The following SAMD5 variants were observed in gnomAD, a reference collection of about 807,000 sequenced individuals.
SAMD5 encodes sterile alpha motif domain-containing protein 5.
A neutral mutation model predicts 11.3 loss-of-function variants in SAMD5; 13 were observed. That is an observed-to-expected ratio of 1.15 (90% CI 0.75 to 1.83). SAMD5 has a LOEUF of 1.83. Among genes scored for constraint, SAMD5 ranks in the 40% most tolerant of loss-of-function variants. The pLI, the probability that SAMD5 is intolerant of heterozygous loss-of-function variation, is 0.00. For synonymous variants in SAMD5, 129 were observed against 111.3 expected, an observed-to-expected ratio of 1.16 and a Z score of -1.00; for missense variants, 255 against 239.1, an observed-to-expected ratio of 1.07 and a Z score of -0.44.
At chr6:147,820,286 C>T in the SAMD5 span, among the ~76,000 whole-genome samples, 13 of 152,032 alleles carry the variant, frequency 8.6e-5, no homozygotes, top group African/African-American at 3.1e-4. Flanking sequence ...AAACCAGCAC[C>T]CTGATATCCA....
Position 147,564,771 on chromosome 6 carries a change from G to A in SAMD5, c.*315G>A. 9.7e-7 allele frequency: 1 copy of A among 1,029,180 alleles called. No homozygotes were observed. The highest frequency in any genetic ancestry group is 4.2e-5 in the South Asian group (1 of 24,024). 63.8% of individuals were successfully genotyped at this position (1,029,180 alleles called of 1,614,324 possible). ...CCTTCCATTCTTAATGAAAACAGAT[G>A]AGGTTGGCTAAGGCATTTGAGTCAT... On this transcript the variant is annotated 3_prime_UTR_variant, in exon 2 of 2. Coordinates refer to ENST00000367474, the MANE Select transcript of SAMD5 (RefSeq NM_001030060.3).
the SAMD5 span, among the ~76,000 whole-genome samples, chr6:147,923,543 T>C: frequency 1.3e-5 from 2 of 152,308 alleles, 1 homozygote; most frequent in South Asian, 4.1e-4. Flanking sequence ...GCTTTCGGTT[T>C]AGATTTTGGT....
intron 1 of SAMD5, among the ~76,000 whole-genome samples, chr6:147,684,062 G>A (rs1202526451): frequency 6.6e-6 from 1 of 151,980 alleles, no homozygotes; most frequent in East Asian, 1.9e-4. Context: ...CCACCATCCA[G>A]ATCAAAAAAT....
downstream of SAMD5, among the ~76,000 whole-genome samples, chr6:147,738,219 G>A (rs531871337): frequency 7.9e-5 from 12 of 152,286 alleles, 1 homozygote; most frequent in East Asian, 7.7e-4. Context: ...GCAGGAAGGC[G>A]CAGGTCTGCA....
intron 1 of SAMD5, among the ~76,000 whole-genome samples, chr6:147,672,932 A>G (rs927191636): frequency 2.0e-5 from 3 of 152,190 alleles, no homozygotes; most frequent in Non-Finnish European, 4.4e-5. Flanking sequence ...TTACTGTTAG[A>G]CCAAACAGTA....
chr6:147,522,303 C>T (rs1788266615), intron 1 of SAMD5, among the ~76,000 whole-genome samples: 1 of 152,084 alleles, frequency 6.6e-6, no homozygotes, highest in Non-Finnish European at 1.5e-5. Context: ...TTGCTATTAT[C>T]CTGCTGCTGG....
intron 1 of SAMD5, among the ~76,000 whole-genome samples, chr6:147,644,886 TA>T (rs1473030778): frequency 6.6e-6 from 1 of 152,086 alleles, no homozygotes; most frequent in East Asian, 1.9e-4. Context: ...AACAATAAAT[TA>T]GGATCAGTGT....
At chr6:147,883,825 T>C in the SAMD5 span, among the ~76,000 whole-genome samples, 1 of 152,176 alleles carries the variant, frequency 6.6e-6, no homozygotes, top group South Asian at 2.1e-4. Context: ...GCCACTGAAA[T>C]GTGGAAATGA....
chr6:147,666,502 GA>G (rs1270608293), intron 1 of SAMD5, among the ~76,000 whole-genome samples: 1 of 152,108 alleles, frequency 6.6e-6, no homozygotes, highest in Admixed American at 6.5e-5. Context: ...CTCCCTGTCA[GA>G]GAGCTTGCTT....
intron 1 of SAMD5, among the ~76,000 whole-genome samples, chr6:147,547,101 AT>A (rs1788699171): frequency 6.6e-6 from 1 of 152,158 alleles, no homozygotes; most frequent in East Asian, 1.9e-4. Flanking sequence ...GTGAGAATTA[AT>A]GGTGCACATT....
chr6:147,868,599 C>T, the SAMD5 span, among the ~76,000 whole-genome samples: 35 of 152,272 alleles, frequency 2.3e-4, no homozygotes, highest in African/African-American at 7.9e-4. Context: ...AAAGAAAAAG[C>T]CACTCTGTGG....
chr6:147,720,717 C>T (rs1791538671), intron 1 of SAMD5, among the ~76,000 whole-genome samples: 1 of 151,186 alleles, frequency 6.6e-6, no homozygotes, highest in Non-Finnish European at 1.5e-5. Context: ...TATTATTATA[C>T]TTTCAGTTTT....
the SAMD5 span, among the ~76,000 whole-genome samples, chr6:147,951,200 T>C: frequency 7.9e-5 from 12 of 151,640 alleles, no homozygotes; most frequent in East Asian, 2.3e-3. Flanking sequence ...TTTTTTTTTT[T>C]ATGACGGAGT....
At chr6:147,641,510 C>G (rs73587499) in intron 1 of SAMD5, among the ~76,000 whole-genome samples, 5,938 of 152,104 alleles carry the variant, frequency 0.039, 212 homozygotes, top group African/African-American at 0.093. Flanking sequence ...GTCAGGACAA[C>G]CTTTTCAACT....
At chr6:147,668,388 A>T (rs575245489) in intron 1 of SAMD5, among the ~76,000 whole-genome samples, 2 of 152,286 alleles carry the variant, frequency 1.3e-5, no homozygotes, top group South Asian at 2.1e-4. Context: ...TTTTTCCCAT[A>T]ATGATTGACA....
intron 1 of SAMD5, among the ~76,000 whole-genome samples, chr6:147,632,449 G>A (rs987205328): frequency 1.3e-5 from 2 of 152,202 alleles, no homozygotes; most frequent in African/African-American, 4.8e-5. Flanking sequence ...GTGGAGAGGG[G>A]CAGAAAGTAT....
chr6:147,898,903 G>A, the SAMD5 span, among the ~76,000 whole-genome samples: 5 of 151,802 alleles, frequency 3.3e-5, no homozygotes, highest in Non-Finnish European at 7.4e-5. Context: ...TGTGTTGGCC[G>A]GGCGTGGTGG....
intron 1 of SAMD5, among the ~76,000 whole-genome samples, chr6:147,530,134 A>G (rs1335566434): frequency 2.0e-5 from 3 of 152,236 alleles, no homozygotes; most frequent in Non-Finnish European, 2.9e-5. Context: ...AGAACTATCA[A>G]ACAAACATAT....
chr6:147,831,655 T>A, the SAMD5 span, among the ~76,000 whole-genome samples: 1 of 152,204 alleles, frequency 6.6e-6, no homozygotes, highest in African/African-American at 2.4e-5. Flanking sequence ...CCAAGGCAAG[T>A]CAGGGGAAAA....
Sources: allele counts gnomAD v4.1 joint callset (sites outside exome capture counted in the v4.1 genomes callset), GRCh38; gene constraint gnomAD v4.1.1; transcripts MANE v1.5; gene names NCBI Gene and HGNC (gene_info 2026-07-23, HGNC 2026-07-21).